The following KCNQ1OT1 variants were observed in gnomAD, a reference collection of about 807,000 sequenced individuals.
KCNQ1OT1 encodes the protein KCNQ1 opposite strand/antisense transcript 1.
exon 1 of KCNQ1OT1, chr11:2,633,419 T>C: frequency 2.5e-6 from 1 of 398,596 alleles, no homozygotes; most frequent in Non-Finnish European, 4.4e-6. Context: ...CCTGTGCTTA[T>C]AAAGTCTTAC....
chr11:2,667,238 G>C (rs540782508), exon 1 of KCNQ1OT1: 1 of 398,464 alleles, frequency 2.5e-6, no homozygotes, highest in Non-Finnish European at 4.4e-6. Flanking sequence ...CACTTCCTCC[G>C]TCTGAGCACG....
chr11:2,683,960 CTTTT>C lies in KCNQ1OT1; in HGVS notation n.16031_16034del. The C allele has an allele frequency of 2.6e-6, 1 of 386,906 alleles. No homozygotes were observed. The highest frequency in any genetic ancestry group is 4.6e-5 in the Admixed American group (1 of 21,836). The allele number at this position is 386,906 out of a possible 1,614,324, so 24.0% of individuals were successfully genotyped here. On this transcript the variant is annotated non_coding_transcript_exon_variant, in exon 1 of 1. Transcript: ENST00000597346. The surrounding 1 kb of genome is among the most constrained non-coding windows in gnomAD (Gnocchi z 4.7). ...AGACAAAACCAGCTGACTGCTTTTA[CTTTT>C]TTTTTTTTTTCATTTAGAAGAATTT...
exon 1 of KCNQ1OT1, chr11:2,615,416 A>G (rs1323194612): frequency 2.8e-5 from 11 of 397,904 alleles, no homozygotes; most frequent in Non-Finnish European, 4.4e-5. Flanking sequence ...CCTAATTGTC[A>G]TGGTTAAAAC....
Position 2,683,844 on chromosome 11 carries a change from C to T in KCNQ1OT1, n.16151G>A, listed in dbSNP as rs1850439977. 2.0e-5 allele frequency: 8 copies of T among 398,630 alleles called. No homozygotes were observed. Among genetic ancestry groups the T allele is most frequent in the Non-Finnish European group, 3.1e-5 (7 of 226,078 alleles). The allele number at this position is 398,630 out of a possible 1,614,324, so 24.7% of individuals were successfully genotyped here. A position where few individuals can be genotyped will look rare whatever the true frequency, so the allele number is the denominator to read the frequency against. On this transcript the variant is annotated non_coding_transcript_exon_variant, in exon 1 of 1. Transcript: ENST00000597346. The surrounding 1 kb of genome is among the most constrained non-coding windows in gnomAD (Gnocchi z 4.7). ...AGAATGGCTTTGTTGGATTCCCCTC[C>T]CTGGCCCCACACTCACTGCTACATC...
chr11:2,631,015 T>C, exon 1 of KCNQ1OT1: 1 of 398,548 alleles, frequency 2.5e-6, no homozygotes, highest in Non-Finnish European at 4.4e-6. Context: ...AATTATCTTG[T>C]CTTCCATTTT....
At chr11:2,680,421 A>G (rs1375356672) in exon 1 of KCNQ1OT1, 3 of 398,028 alleles carry the variant, frequency 7.5e-6, no homozygotes, top group Non-Finnish European at 1.3e-5. Context: ...CTTTGTATGG[A>G]TTTTGGACAT....
exon 1 of KCNQ1OT1, chr11:2,615,331 A>G (rs1849043197): frequency 7.5e-6 from 3 of 397,926 alleles, no homozygotes; most frequent in Non-Finnish European, 1.3e-5. Context: ...AGAAGATGTC[A>G]TTATTGAATA....
chr11:2,661,544 C>T lies in KCNQ1OT1; in HGVS notation n.38451G>A, dbSNP rs1264229033. On this transcript the variant is annotated non_coding_transcript_exon_variant, in exon 1 of 1. Coordinates refer to ENST00000597346, the Ensembl canonical transcript of KCNQ1OT1. The surrounding 1 kb of genome is among the most constrained non-coding windows in gnomAD (Gnocchi z 5.9). ...ACCCCATCTTTCCTGACCCACTACT[C>T]TGTCAATGTATGAGTGTGACAATGT... 1.2e-5 allele frequency: 6 copies of T among 504,480 alleles called. No homozygotes were observed. Among genetic ancestry groups the T allele is most frequent in the Admixed American group, 6.9e-5 (2 of 28,854 alleles). The allele number at this position is 504,480 out of a possible 1,614,324, so 31.3% of individuals were successfully genotyped here.
exon 1 of KCNQ1OT1, chr11:2,666,007 G>A (rs995764410): frequency 1.0e-5 from 4 of 398,548 alleles, no homozygotes; most frequent in African/African-American, 4.1e-5. Flanking sequence ...GAATTCACAC[G>A]TCTGCCCCAT....
At position 2,671,125 on chromosome 11, in the gene KCNQ1OT1, TG is replaced by T; in HGVS notation, n.28869del. 1 of 398,470 alleles carries T rather than the reference TG, an allele frequency of 2.5e-6. No individual in the cohort carries two copies. The highest frequency in any genetic ancestry group is 6.3e-4 in the Middle Eastern group (1 of 1,588). The allele number at this position is 398,470 out of a possible 1,614,324, so 24.7% of individuals were successfully genotyped here. On this transcript the variant is annotated non_coding_transcript_exon_variant, in exon 1 of 1. Transcript: ENST00000597346. This position sits in a 1 kb window ranked among gnomAD's most constrained non-coding sequence, Gnocchi z 4.7. Reference sequence around the variant, plus strand: ...GTCTGAGCAGTTAGTCTGTCAGGCCTGGTTGGTCCCATGGGAGGCCTGAGGT... The same window carrying T: ...GTCTGAGCAGTTAGTCTGTCAGGCCTGTTGGTCCCATGGGAGGCCTGAGGT...
chr11:2,653,980 C>T lies in KCNQ1OT1; in HGVS notation n.46015G>A, dbSNP rs753978151. 1.3e-5 allele frequency: 5 copies of T among 398,586 alleles called. No homozygotes were observed. The highest frequency in any genetic ancestry group is 2.2e-5 in the Non-Finnish European group (5 of 226,096). The allele number at this position is 398,586 out of a possible 1,614,324, so 24.7% of individuals were successfully genotyped here. A position where few individuals can be genotyped will look rare whatever the true frequency, so the allele number is the denominator to read the frequency against. ...GTGTCCACTCAAGCAAGGTATTTTC[C>T]TAAGCGGAACTGGGTGCCAGCTGTG... On this transcript the variant is annotated non_coding_transcript_exon_variant, in exon 1 of 1. Transcript: ENST00000597346. This position sits in a 1 kb window ranked among gnomAD's most constrained non-coding sequence, Gnocchi z 5.3.
chr11:2,667,475 T>A (rs16928527), exon 1 of KCNQ1OT1: 6,162 of 398,268 alleles, frequency 0.015, 269 homozygotes, highest in East Asian at 0.11. Context: ...TGTTGGAGGA[T>A]GTGACAGAGA....
exon 1 of KCNQ1OT1, chr11:2,641,613 C>T: frequency 2.5e-6 from 1 of 398,346 alleles, no homozygotes; most frequent in Non-Finnish European, 4.4e-6. Flanking sequence ...GATTGTTTCC[C>T]TTGTTGTGTA....
At chr11:2,675,906 T>A (rs1322274009) in exon 1 of KCNQ1OT1, 1 of 398,560 alleles carries the variant, frequency 2.5e-6, no homozygotes, top group African/African-American at 2.1e-5. Flanking sequence ...AGGGTTGTGC[T>A]ACAAAAATCA....
chr11:2,623,722 C>T lies in KCNQ1OT1; in HGVS notation n.76273G>A. 2.5e-6 allele frequency: 1 copy of T among 398,556 alleles called. No homozygotes were observed. The highest frequency in any genetic ancestry group is 1.3e-4 in the South Asian group (1 of 7,862). The allele number at this position is 398,556 out of a possible 1,614,324, so 24.7% of individuals were successfully genotyped here. ...ATTTCAACAATCACAAATAAAGCTT[C>T]TGTAAACATCTCTGTGCAGATTTTT... On this transcript the variant is annotated non_coding_transcript_exon_variant, in exon 1 of 1. Coordinates refer to ENST00000597346, the Ensembl canonical transcript of KCNQ1OT1. The surrounding 1 kb of genome is among the most constrained non-coding windows in gnomAD (Gnocchi z 5.2).
Position 2,659,172 on chromosome 11 carries a change from G to A in KCNQ1OT1, n.40823C>T, listed in dbSNP as rs1849905667. 1 of 398,634 alleles carries A rather than the reference G, an allele frequency of 2.5e-6. No individual in the cohort carries two copies. Among genetic ancestry groups the A allele is most frequent in the Non-Finnish European group, 4.4e-6 (1 of 226,064 alleles). 24.7% of individuals were successfully genotyped at this position (398,634 alleles called of 1,614,324 possible). Reference sequence around the variant, plus strand: ...AGATTCAGTTCTGTGGGTTTTGACAGATGTCTGGAGTCATGTGTCCACAAT... The same window carrying A: ...AGATTCAGTTCTGTGGGTTTTGACAAATGTCTGGAGTCATGTGTCCACAAT... On this transcript the variant is annotated non_coding_transcript_exon_variant, in exon 1 of 1. Coordinates refer to ENST00000597346, the Ensembl canonical transcript of KCNQ1OT1. This position sits in a 1 kb window ranked among gnomAD's most constrained non-coding sequence, Gnocchi z 4.3.
At chr11:2,641,348 C>G (rs947917507) in exon 1 of KCNQ1OT1, 1 of 398,278 alleles carries the variant, frequency 2.5e-6, no homozygotes, top group African/African-American at 2.1e-5. Flanking sequence ...TAGCCATTCT[C>G]ACTATGGTTT....
At chr11:2,662,922 A>G (rs900423063) in exon 1 of KCNQ1OT1, 1 of 398,476 alleles carries the variant, frequency 2.5e-6, no homozygotes, top group Non-Finnish European at 4.4e-6. Flanking sequence ...GGTTGTCCTG[A>G]GCCATGTGTG....
exon 1 of KCNQ1OT1, chr11:2,694,211 G>A: frequency 5.0e-6 from 2 of 398,694 alleles, no homozygotes; most frequent in Non-Finnish European, 4.4e-6. Flanking sequence ...GAGGTGGTGA[G>A]GCTATAGGTG....
Sources: gnomAD v4.1 joint callset for allele counts on GRCh38, gnomAD v4.1.1 for gene constraint, Gnocchi (gnomAD v3.1) non-coding constraint, MANE v1.5 for transcripts, NCBI Gene and HGNC (gene_info 2026-07-23, HGNC 2026-07-21) for gene names.